Variants in CDH20 observed in about 807,000 individuals in gnomAD.
The protein encoded by CDH20 is cadherin 20.
CDH20 carries 29 observed loss-of-function variants against 74.2 expected under a neutral mutation model. That is an observed-to-expected ratio of 0.39 (90% CI 0.29 to 0.53). CDH20 has a LOEUF of 0.53. CDH20 is among the 20% of genes least tolerant of loss of function. The pLI, the probability that CDH20 is intolerant of heterozygous loss-of-function variation, is 0.69. For missense variants in CDH20, 988 were observed against 1,048.3 expected, an observed-to-expected ratio of 0.94 and a Z score of 0.79; for synonymous variants, 469 against 405.4, an observed-to-expected ratio of 1.16 and a Z score of -1.88.
Position 61,554,560 on chromosome 18 carries a change from G to A in CDH20, c.2271G>A (p.Ala757=), listed in dbSNP as rs369065168. Residue 757 remains alanine, a synonymous_variant, in exon 12 of 12, where the codon GCG becomes GCA. Transcript: ENST00000262717. ...TYMFEGDGSV[A]GSLSSLQSAT... is the part of the protein sequence containing the mutation. ...TGTTCGAGGGGGACGGCTCTGTGGC[G>A]GGGTCGCTGAGCTCCCTGCAGTCGG... is the stretch of plus-strand genomic sequence containing the variant. 4 of 1,610,756 alleles carry A rather than the reference G, an allele frequency of 2.5e-6. No homozygotes were observed. Among genetic ancestry groups the A allele is most frequent in the African/African-American group, 2.7e-5 (2 of 74,902 alleles).
At chr18:61,545,300 TG>T (rs1555684907) in intron 10 of CDH20, among the ~76,000 whole-genome samples, 156 bp downstream of exon 10, 15 of 146,090 alleles carry the variant, frequency 1.0e-4, no homozygotes, top group Non-Finnish European at 2.2e-4. Flanking sequence ...TTTTTTGAGA[TG>T]GGGTCTATGT....
intron 1 of CDH20, among the ~76,000 whole-genome samples, chr18:61,390,303 T>C (rs1240813034): frequency 6.6e-6 from 1 of 152,232 alleles, no homozygotes. Flanking sequence ...TTCTCATATA[T>C]TTCAGAAAGA....
At chr18:61,361,418 C>T (rs982649025) in intron 1 of CDH20, among the ~76,000 whole-genome samples, 7 of 152,178 alleles carry the variant, frequency 4.6e-5, no homozygotes, top group African/African-American at 1.4e-4. Context: ...TAAATTTTAT[C>T]ATCTGGGCAA....
intron 1 of CDH20, among the ~76,000 whole-genome samples, chr18:61,381,361 T>C (rs1400774942): frequency 1.3e-5 from 2 of 152,204 alleles, no homozygotes; most frequent in South Asian, 2.1e-4. Context: ...AAAGAATCAT[T>C]TGGGCAAGGA....
chr18:61,336,835 A>C (rs1220350550), intron 1 of CDH20, among the ~76,000 whole-genome samples: 4 of 151,520 alleles, frequency 2.6e-5, no homozygotes, highest in African/African-American at 9.7e-5. Flanking sequence ...GGTGATGAGA[A>C]TAGGTCTTTT....
At chr18:61,487,609 A>G (rs1376849165) in intron 1 of CDH20, among the ~76,000 whole-genome samples, 1 of 152,208 alleles carries the variant, frequency 6.6e-6, no homozygotes, top group Non-Finnish European at 1.5e-5. Flanking sequence ...CCCGGTCAAG[A>G]TCCCAAAGTC....
intron 1 of CDH20, among the ~76,000 whole-genome samples, chr18:61,340,168 A>T (rs1909899356): frequency 6.7e-6 from 1 of 150,356 alleles, no homozygotes; most frequent in Non-Finnish European, 1.5e-5. Context: ...CTTCCACCCA[A>T]AATGAAAAAC....
At chr18:61,511,617 T>C (rs192970644) in intron 6 of CDH20, among the ~76,000 whole-genome samples, 17 of 152,314 alleles carry the variant, frequency 1.1e-4, no homozygotes, top group African/African-American at 4.1e-4. Context: ...TAATAAAATA[T>C]TAATTTATGT....
At position 61,440,670 on chromosome 18, in the gene CDH20, C is replaced by T. The variant is rs114107908; in HGVS notation, c.-152-49732C>T. ...GGAACAGTTTCTGGTCTTGGCTAGG[C>T]GTCTCAACGTCTGGGAGCTTGCCTG... On this transcript the variant is annotated intron_variant, in intron 1 of 11. Transcript: ENST00000262717. 4.6e-3 allele frequency among the ~76,000 whole-genome samples: 693 copies of T among 152,246 alleles called. 4 individuals carry two copies. The highest frequency in any genetic ancestry group is 0.015 in the African/African-American group (603 of 41,546).
At chr18:61,409,109 T>C (rs1912416930) in intron 1 of CDH20, among the ~76,000 whole-genome samples, 2 of 152,232 alleles carry the variant, frequency 1.3e-5, no homozygotes, top group African/African-American at 2.4e-5. Context: ...AAAATGTCTT[T>C]ACTTTTGAAA....
rs115990390 is a variant in CDH20, at chr18:61,444,500, A to G, written c.-152-45902A>G. Among the ~76,000 whole-genome samples, 655 of 152,294 alleles carry G rather than the reference A, an allele frequency of 4.3e-3. 4 individuals carry two copies. The highest frequency in any genetic ancestry group is 0.015 in the African/African-American group (606 of 41,572). The stretch of plus-strand genomic sequence containing the variant: ...TAAAAACAGACTGAAGTTGGCAGCT[A>G]TGGGAAAAGTTGGTAAATGGAGGTT... On this transcript the variant is annotated intron_variant, in intron 1 of 11. Transcript: ENST00000262717.
intron 1 of CDH20, among the ~76,000 whole-genome samples, chr18:61,347,100 T>C (rs1376770698): frequency 6.6e-6 from 1 of 151,526 alleles, no homozygotes; most frequent in Non-Finnish European, 1.5e-5. Flanking sequence ...AATGGGAGAA[T>C]ATGTGGAAAG....
At chr18:61,395,636 C>T (rs1911938030) in intron 1 of CDH20, among the ~76,000 whole-genome samples, 1 of 152,178 alleles carries the variant, frequency 6.6e-6, no homozygotes, top group South Asian at 2.1e-4. Flanking sequence ...TCCCATACTC[C>T]AATCACAGAT....
rs370303666 is a variant in CDH20, at chr18:61,404,709, C to A, written c.-153+70882C>A. ...TGAGAGCTGAGATACAGAGATGGGA[C>A]CTTTAAAAATGGAGCATGAAAAAAG... On this transcript the variant is annotated intron_variant, in intron 1 of 11. Transcript: ENST00000262717. 17 of 291,296 alleles carry A rather than the reference C, an allele frequency of 5.8e-5. No individual in the cohort carries two copies. The East Asian group carries it at 8.7e-4, about 15-fold the overall frequency. The allele number at this position is 291,296 out of a possible 1,614,324, so 18.0% of individuals were successfully genotyped here.
At chr18:61,437,442 T>A (rs1176119051) in intron 1 of CDH20, among the ~76,000 whole-genome samples, 1 of 152,314 alleles carries the variant, frequency 6.6e-6, no homozygotes, top group South Asian at 2.1e-4. Context: ...GTATAATATA[T>A]GGAACTTAAA....
chr18:61,530,106 A>G (rs977442381), intron 7 of CDH20, among the ~76,000 whole-genome samples: 1 of 152,236 alleles, frequency 6.6e-6, no homozygotes, highest in Admixed American at 6.5e-5. Context: ...TGAAATTCCA[A>G]TGATCAGATC....
chr18:61,498,168 G>A (rs11663329), intron 2 of CDH20, among the ~76,000 whole-genome samples: 1 of 151,956 alleles, frequency 6.6e-6, no homozygotes, highest in Non-Finnish European at 1.5e-5. Context: ...GGGAGGCCGA[G>A]GCAGGTAGAT....
intron 1 of CDH20, among the ~76,000 whole-genome samples, chr18:61,409,510 T>TC (rs1398229758): frequency 6.6e-6 from 1 of 152,182 alleles, no homozygotes; most frequent in African/African-American, 2.4e-5. Flanking sequence ...ACTTGCCAGC[T>TC]CTGTGACCTT....
At chr18:61,505,919 T>G (rs1339422168) in intron 5 of CDH20, among the ~76,000 whole-genome samples, 1 of 152,226 alleles carries the variant, frequency 6.6e-6, no homozygotes, top group Non-Finnish European at 1.5e-5. Context: ...TGATATTCCA[T>G]AAACCTATCT....
Sources: allele counts gnomAD v4.1 joint callset (sites outside exome capture counted in the v4.1 genomes callset), GRCh38; gene constraint gnomAD v4.1.1; transcripts MANE v1.5; gene names NCBI Gene and HGNC (gene_info 2026-07-23, HGNC 2026-07-21).